Variants in CIB2 observed in about 807,000 individuals in gnomAD.
The protein encoded by CIB2 is calcium and integrin-binding family member 2.
A neutral mutation model predicts 23.1 loss-of-function variants in CIB2; 19 were observed. That is an observed-to-expected ratio of 0.82 (90% CI 0.57 to 1.21). The LOEUF is 1.21. CIB2 is among the 50% of genes most tolerant of loss of function. The pLI is 0.00. For synonymous variants in CIB2, 94 were observed against 91.7 expected, an observed-to-expected ratio of 1.03 and a Z score of -0.14; for missense variants, 220 against 241.5, an observed-to-expected ratio of 0.91 and a Z score of 0.59.
rs1189633460 is a variant in CIB2 at position 78,109,248 on chromosome 15, G to A, written c.333C>T (p.Ala111=). The A allele has an allele frequency of 6.2e-7, 1 of 1,606,546 alleles. No homozygotes were observed. Among genetic ancestry groups the A allele is most frequent in the African/African-American group, 1.4e-5 (1 of 71,994 alleles). Residue 111 remains alanine (A), a synonymous_variant, in exon 4 of 6, where the codon GCC becomes GCT. Transcript: ENST00000258930. ...AGCCCTGGTTACCATAGATCTTGAA[G>A]GCATAGTTTGCCTTGAGCTCTCGGG... ...SAPRELKANY[A]FKIYDFNTDN...
Position 78,120,723 on chromosome 15 carries a change from A to T in CIB2, c.86+2982T>A, listed in dbSNP as rs7179890. ...GGCGGGCTATCTGTGACTCGGTATC[A>T]CTGCCCCAAAGTTGCCACAGAGCTG... On this transcript the variant is annotated intron_variant, in intron 2 of 5. Transcript: ENST00000258930. The T allele has an allele frequency of 5.1e-3, 5,040 of 985,594 alleles. 175 individuals carry two copies. The African/African-American group carries it at 0.079, about 15-fold the overall frequency. The allele number at this position is 985,594 out of a possible 1,614,324, so 61.1% of individuals were successfully genotyped here.
chr15:78,126,006 G>A (rs1177657441), intron 1 of CIB2, among the ~76,000 whole-genome samples: 5 of 152,108 alleles, frequency 3.3e-5, no homozygotes, highest in Non-Finnish European at 7.4e-5. Flanking sequence ...TAGCCAATGG[G>A]GGTGGGCATT....
chr15:78,122,071 C>G (rs1008939089), intron 2 of CIB2, among the ~76,000 whole-genome samples: 1 of 152,192 alleles, frequency 6.6e-6, no homozygotes, highest in African/African-American at 2.4e-5. Flanking sequence ...CTAACAGGTG[C>G]CATGCTCCCT....
rs2289523 is a variant in CIB2 at position 78,109,196 on chromosome 15, C to A, written c.346+39G>T. Reference sequence around the variant, plus strand: ...CAGCCTAAGGGCCCCACATGTTCCCCCACCGCATATTCAGGCCCCCTCCTC... The same window carrying A: ...CAGCCTAAGGGCCCCACATGTTCCCACACCGCATATTCAGGCCCCCTCCTC... On this transcript the variant is annotated intron_variant, in intron 4 of 5. Transcript: ENST00000258930. The A allele has an allele frequency of 2.9e-5, 35 of 1,219,578 alleles. 3 individuals carry two copies. The highest frequency in any genetic ancestry group is 4.0e-5 in the Admixed American group (2 of 49,612). 75.5% of individuals were successfully genotyped at this position (1,219,578 alleles called of 1,614,324 possible).
chr15:78,114,773 T>C (rs1177433568), intron 2 of CIB2, among the ~76,000 whole-genome samples: 5 of 112,374 alleles, frequency 4.4e-5, no homozygotes, highest in Admixed American at 9.4e-5. Flanking sequence ...ACCATGTCTC[T>C]ACAAAAAAAA....
intron 3 of CIB2, among the ~76,000 whole-genome samples, chr15:78,110,047 A>G (rs905815983): frequency 3.3e-5 from 5 of 152,156 alleles, no homozygotes; most frequent in African/African-American, 1.2e-4. Context: ...GTGGGGTCAG[A>G]TAACTGGACC....
chr15:78,118,008 A>G (rs2074263494), intron 2 of CIB2, among the ~76,000 whole-genome samples: 1 of 152,278 alleles, frequency 6.6e-6, no homozygotes, highest in East Asian at 1.9e-4. Flanking sequence ...TAAAATCGTG[A>G]AAAGCTGGAA....
intron 1 of CIB2, among the ~76,000 whole-genome samples, chr15:78,126,143 C>A (rs1024231151): frequency 1.3e-4 from 18 of 143,426 alleles, no homozygotes; most frequent in African/African-American, 3.0e-4. Flanking sequence ...TTCCCCTGCC[C>A]CCCCCCCTTT....
At chr15:78,111,329 A>G in intron 2 of CIB2, 53 bp from the exon 3 acceptor site, 2 of 1,460,570 alleles carry the variant, frequency 1.4e-6, no homozygotes, top group Non-Finnish European at 1.9e-6. Context: ...CCTAAGCCCC[A>G]GCAGCCCGGT....
chr15:78,123,979 G>C (rs2074351644), intron 1 of CIB2, among the ~76,000 whole-genome samples: 1 of 152,186 alleles, frequency 6.6e-6, no homozygotes, highest in South Asian at 2.1e-4. Context: ...GTGCATGGTG[G>C]GGGGCTGTAG....
intron 2 of CIB2, among the ~76,000 whole-genome samples, chr15:78,113,708 T>C (rs1269634512): frequency 6.6e-6 from 1 of 152,162 alleles, no homozygotes; most frequent in Non-Finnish European, 1.5e-5. Context: ...TTTTTTGTAC[T>C]TTTAGTAGAG....
At chr15:78,116,272 C>A (rs549913829) in intron 2 of CIB2, among the ~76,000 whole-genome samples, 8 of 151,820 alleles carry the variant, frequency 5.3e-5, no homozygotes, top group African/African-American at 1.9e-4. Flanking sequence ...CCAGCGTGGG[C>A]AAAACAGTGT....
At position 78,123,714 on chromosome 15, in the gene CIB2, T is replaced by C; in HGVS notation, c.77A>G (p.Asp26Gly). 3 of 1,614,094 alleles carry C rather than the reference T, an allele frequency of 1.9e-6. No individual in the cohort carries two copies. Among genetic ancestry groups the C allele is most frequent in the Non-Finnish European group, 1.7e-6 (2 of 1,179,962 alleles). The stretch of plus-strand genomic sequence containing the variant: ...GAGAAGCCACACTTACTTGAGGATG[T>C]CCTTCTTATTGAAGAAGGTGCAGTC... ...YQDCTFFNKK[D>G]ILKLHSRFYE... Residue 26 changes from aspartate to glycine, a missense_variant, in exon 2 of 6, where the codon GAC becomes GGC. Asp to Gly is a moderately conservative substitution (Grantham distance 94, BLOSUM62 -1). Coordinates refer to ENST00000258930, the MANE Select transcript of CIB2 (RefSeq NM_006383.4).
intron 4 of CIB2, among the ~76,000 whole-genome samples, chr15:78,108,186 A>C (rs1053459892): frequency 1.4e-5 from 2 of 144,406 alleles, no homozygotes; most frequent in African/African-American, 2.6e-5. Context: ...CCTGGGCGAC[A>C]GTGGGACTCT....
intron 1 of CIB2, among the ~76,000 whole-genome samples, chr15:78,127,649 C>A (rs965210998): frequency 3.9e-5 from 6 of 152,198 alleles, no homozygotes; most frequent in Non-Finnish European, 8.8e-5. Context: ...AACCCACCTG[C>A]CTCCCATCTC....
At chr15:78,120,364 A>G (rs540432706) in intron 2 of CIB2, among the ~76,000 whole-genome samples, 1 of 152,334 alleles carries the variant, frequency 6.6e-6, no homozygotes, top group East Asian at 1.9e-4. Flanking sequence ...CATTATGTAT[A>G]TGTGTAGTAA....
At position 78,131,379 on chromosome 15, in the gene CIB2, G is replaced by C; in HGVS notation, c.-164C>G. 3.1e-6 allele frequency: 1 copy of C among 320,254 alleles called. No individual in the cohort carries two copies. The highest frequency in any genetic ancestry group is 4.8e-6 in the Non-Finnish European group (1 of 206,630). 19.8% of individuals were successfully genotyped at this position (320,254 alleles called of 1,614,324 possible). On this transcript the variant is annotated 5_prime_UTR_variant, in exon 1 of 6. Coordinates refer to ENST00000258930, the MANE Select transcript of CIB2 (RefSeq NM_006383.4). This position sits in a 1 kb window ranked among gnomAD's most constrained non-coding sequence, Gnocchi z 5.8. ...GCCCCGCAGCTCGCCTGGAGGAGGC[G>C]CGCGGGGGTCTCGGAGGCGGGGACG...
chr15:78,108,258 G>A (rs1007689076), intron 4 of CIB2, among the ~76,000 whole-genome samples: 1 of 151,544 alleles, frequency 6.6e-6, no homozygotes, highest in African/African-American at 2.4e-5. Flanking sequence ...GTCAGCCCCT[G>A]ATAGGCCCTG....
Position 78,131,235 on chromosome 15 carries a change from C to T in CIB2, c.-20G>A, listed in dbSNP as rs759407248. 34 of 1,488,544 alleles carry T rather than the reference C, an allele frequency of 2.3e-5. No individual in the cohort carries two copies. Among genetic ancestry groups the T allele is most frequent in the Non-Finnish European group, 5.4e-6 (6 of 1,115,314 alleles). The allele number at this position is 1,488,544 out of a possible 1,614,324, so 92.2% of individuals were successfully genotyped here. A position where few individuals can be genotyped will look rare whatever the true frequency, so the allele number is the denominator to read the frequency against. ...CCCCATGGTGGCCGCCGCGCCGCCG[C>T]TCGCCCGCCCGGGCTCCGACTCCCA... On this transcript the variant is annotated 5_prime_UTR_variant, in exon 1 of 6. Transcript: ENST00000258930. This position sits in a 1 kb window ranked among gnomAD's most constrained non-coding sequence, Gnocchi z 5.8.
Sources: allele counts gnomAD v4.1 joint callset (sites outside exome capture counted in the v4.1 genomes callset), GRCh38; gene constraint gnomAD v4.1.1; non-coding constraint Gnocchi (gnomAD v3.1); transcripts MANE v1.5; gene names NCBI Gene and HGNC (gene_info 2026-07-23, HGNC 2026-07-21).